Variants in PLG observed in about 807,000 individuals in gnomAD.
PLG encodes plasmin.
In PLG, 41 loss-of-function variants were observed where a neutral mutation model predicts 104.4. The observed-to-expected ratio is 0.39, with a 90% confidence interval of 0.31 to 0.51. PLG has a LOEUF of 0.51. Ranked by LOEUF, PLG falls within the 20% of genes least tolerant of loss-of-function variation. The probability of loss-of-function intolerance (pLI) is 0.76; values close to 1 mark genes in which losing one functional copy is unlikely to be tolerated. For synonymous variants in PLG, 337 were observed against 357.1 expected (o/e 0.94, Z 0.63); for missense variants, 891 against 1,003.6 (o/e 0.89, Z 1.52).
chr6:160,707,744 C>T lies in PLG; in HGVS notation c.230C>T (p.Ala77Val). The change falls in exon 3 of 19, where the codon GCT becomes GTT. Residue 77 changes from alanine (A) to valine (V), a missense_variant. Transcript: ENST00000308192. ...HSKEQQCVIM[A>V]ENRKSSIIIR... The stretch of plus-strand genomic sequence containing the variant: ...AAAGAGCAACAATGTGTGATAATGG[C>T]TGAAAACAGGAAGTCCTCCATAATC... 1 of 1,611,488 alleles carries T rather than the reference C, an allele frequency of 6.2e-7. No individual in the cohort carries two copies. The highest frequency in any genetic ancestry group is 8.5e-7 in the Non-Finnish European group (1 of 1,179,416).
rs1778248375 is a variant in PLG, at chr6:160,744,575, G to A, written c.2125+3158G>A. Among the ~76,000 whole-genome samples, 1 of 152,068 alleles carries A rather than the reference G, an allele frequency of 6.6e-6. No individual in the cohort carries two copies. The highest frequency in any genetic ancestry group is 2.4e-5 in the African/African-American group (1 of 41,436). On this transcript the variant is annotated intron_variant, in intron 17 of 18. Coordinates refer to ENST00000308192, the MANE Select transcript of PLG (RefSeq NM_000301.5). This position sits in a 1 kb window ranked among gnomAD's most constrained non-coding sequence, Gnocchi z 4.5. The stretch of plus-strand genomic sequence containing the variant: ...CTTTTCTTCATTAGCCTAGCTAGCA[G>A]CCTACCTATCTTATTACTGTTTTCA...
Position 160,725,680 on chromosome 6 carries a change from G to C in PLG, c.1256+3113G>C, listed in dbSNP as rs994772854. ...CAGAAAAGGCAGAGATTATTAAGCT[G>C]AATAAAAATCAAAGCCCAATTATGT... On this transcript the variant is annotated intron_variant, in intron 10 of 18. Transcript: ENST00000308192. The surrounding 1 kb of genome is among the most constrained non-coding windows in gnomAD (Gnocchi z 6.3). 6.6e-6 allele frequency among the ~76,000 whole-genome samples: 1 copy of C among 152,048 alleles called. No homozygotes were observed. The highest frequency in any genetic ancestry group is 2.4e-5 in the African/African-American group (1 of 41,408).
intron 2 of PLG, 44 bp downstream of exon 2, chr6:160,706,586 G>A: frequency 3.8e-6 from 6 of 1,575,724 alleles, no homozygotes; most frequent in South Asian, 1.1e-5. Flanking sequence ...CTGTAATTCA[G>A]ATGGCAAGTA....
At chr6:160,713,700 A>G (rs35513104) in intron 5 of PLG, among the ~76,000 whole-genome samples, 50,495 of 152,076 alleles carry the variant, frequency 0.33, 9,411 homozygotes, top group Middle Eastern at 0.51. Flanking sequence ...TTGCAATTAA[A>G]TAGTTAAAAT....
rs780956197 is a variant in PLG at position 160,752,969 on chromosome 6, G to A, written c.2341G>A (p.Gly781Ser). Residue 781 changes from glycine to serine, a missense_variant, in exon 19 of 19, where the codon GGT becomes AGT. Gly to Ser is a moderately conservative substitution (Grantham distance 56, BLOSUM62 0). Transcript: ENST00000308192. This position sits in a 1 kb window ranked among gnomAD's most constrained non-coding sequence, Gnocchi z 4.7. ...KYILQGVTSW[G>S]LGCARPNKPG... Reference sequence around the variant, plus strand: ...CATTTTACAAGGAGTCACTTCTTGGGGTCTTGGCTGTGCACGCCCCAATAA... The same window carrying A: ...CATTTTACAAGGAGTCACTTCTTGGAGTCTTGGCTGTGCACGCCCCAATAA... 1 of 1,612,776 alleles carries A rather than the reference G, an allele frequency of 6.2e-7. No homozygotes were observed. Among genetic ancestry groups the A allele is most frequent in the Non-Finnish European group, 8.5e-7 (1 of 1,179,232 alleles).
chr6:160,706,443 A>C lies in PLG; in HGVS notation c.86A>C (p.Gln29Pro), dbSNP rs1051644668. The C allele has an allele frequency of 3.7e-6, 6 of 1,613,420 alleles. No homozygotes were observed. The highest frequency in any genetic ancestry group is 4.2e-6 in the Non-Finnish European group (5 of 1,179,594). Residue 29 changes from glutamine (Q) to proline (P), a missense_variant, in exon 2 of 19, where the codon CAG (glutamine) becomes CCG (proline). Coordinates refer to ENST00000308192, the MANE Select transcript of PLG (RefSeq NM_000301.5). ...GEPLDDYVNT[Q>P]GASLFSVTKK... Reference sequence around the variant, plus strand: ...CCTCTGGATGACTATGTGAATACCCAGGGGGCTTCACTGTTCAGTGTCACT... The same window carrying C: ...CCTCTGGATGACTATGTGAATACCCCGGGGGCTTCACTGTTCAGTGTCACT...
Position 160,735,016 on chromosome 6 carries a change from C to T in PLG, c.1681+928C>T, listed in dbSNP as rs904563914. ...AGATCATGGGAGCCACACTGCCCAG[C>T]TTCGCATTTGGGCTTCTCCTAGGGA... On this transcript the variant is annotated intron_variant, in intron 13 of 18. Coordinates refer to ENST00000308192, the MANE Select transcript of PLG (RefSeq NM_000301.5). The surrounding 1 kb of genome is among the most constrained non-coding windows in gnomAD (Gnocchi z 5.4). Among the ~76,000 whole-genome samples the T allele has an allele frequency of 3.3e-5, 5 of 152,124 alleles. No individual in the cohort carries two copies. Among genetic ancestry groups the T allele is most frequent in the Non-Finnish European group, 5.9e-5 (4 of 68,012 alleles).
In PLG at chr6:160,752,079, G is replaced by A. The variant is rs1328768487; in HGVS notation, c.2126-36G>A. 3.7e-6 allele frequency: 6 copies of A among 1,603,036 alleles called. No homozygotes were observed. Among genetic ancestry groups the A allele is most frequent in the Non-Finnish European group, 4.3e-6 (5 of 1,170,862 alleles). On this transcript the variant is annotated intron_variant, in intron 17 of 18. Coordinates refer to ENST00000308192, the MANE Select transcript of PLG (RefSeq NM_000301.5). The surrounding 1 kb of genome is among the most constrained non-coding windows in gnomAD (Gnocchi z 4.7). ...GAATATCCTCCTGAATGTGTTTTGG[G>A]TGCAGTTGCCATTTCTTTCATCTTT...
In PLG at chr6:160,737,966, C is replaced by CA. The variant is rs143133225; in HGVS notation, c.1803-572_1803-571insA. Among the ~76,000 whole-genome samples the CA allele has an allele frequency of 0.24, 35,084 of 144,886 alleles. 4,434 individuals are homozygous for CA. The highest frequency in any genetic ancestry group is 0.29 in the Non-Finnish European group (19,678 of 67,868). ...TGCACTTCCTATCTCTATTCCTCTTCTTTAAATTTGGTTCCAAATGGCTCA... is the reference window on the plus strand; with the variant it reads ...TGCACTTCCTATCTCTATTCCTCTTCATTTAAATTTGGTTCCAAATGGCTCA... On this transcript the variant is annotated intron_variant, in intron 14 of 18. Transcript: ENST00000308192. This position sits in a 1 kb window ranked among gnomAD's most constrained non-coding sequence, Gnocchi z 4.7.
In PLG at chr6:160,712,968, C is replaced by T; in HGVS notation, c.408-18C>T. ...TTTTTAGAATATAGTCTAAGTGCTT[C>T]TTTTCCATCCTCCCCAGATTCTCAC... On this transcript the variant is annotated intron_variant, in intron 4 of 18. Coordinates refer to ENST00000308192, the MANE Select transcript of PLG (RefSeq NM_000301.5). The T allele has an allele frequency of 6.2e-7, 1 of 1,604,646 alleles. No individual in the cohort carries two copies. Among genetic ancestry groups the T allele is most frequent in the Non-Finnish European group, 8.5e-7 (1 of 1,173,258 alleles).
Position 160,738,378 on chromosome 6 carries a change from T to C in PLG, c.1803-160T>C, listed in dbSNP as rs1191783335. ...CTCAAAAATCCCACTCCTGGAGCAC[T>C]GGCCAAAATTACTACCATCCTGATG... On this transcript the variant is annotated intron_variant, in intron 14 of 18. Transcript: ENST00000308192. The surrounding 1 kb of genome is among the most constrained non-coding windows in gnomAD (Gnocchi z 6.8). 3 of 664,272 alleles carry C rather than the reference T, an allele frequency of 4.5e-6. No homozygotes were observed. Among genetic ancestry groups the C allele is most frequent in the Non-Finnish European group, 8.3e-6 (3 of 360,656 alleles). The allele number at this position is 664,272 out of a possible 1,614,324, so 41.1% of individuals were successfully genotyped here.
In PLG at chr6:160,707,666, A is replaced by ACC. The variant is rs761401429; in HGVS notation, c.186-34_186-33insCC. 19 of 1,532,260 alleles carry ACC rather than the reference A, an allele frequency of 1.2e-5. No homozygotes were observed. The African/African-American group carries it at 2.5e-4, about 20-fold the overall frequency. The allele number at this position is 1,532,260 out of a possible 1,614,324, so 94.9% of individuals were successfully genotyped here. On this transcript the variant is annotated intron_variant, in intron 2 of 18. Coordinates refer to ENST00000308192, the MANE Select transcript of PLG (RefSeq NM_000301.5). ...ACATTTGTTTTCTTTAAATAAAGAA[A>ACC]AATACTTATTGGATTTCCTGCTTCG... is the stretch of plus-strand genomic sequence containing the variant.
intron 17 of PLG, among the ~76,000 whole-genome samples, chr6:160,742,682 T>G (rs1205115742): frequency 1.3e-5 from 2 of 152,220 alleles, no homozygotes; most frequent in Non-Finnish European, 2.9e-5. Flanking sequence ...TTTTTGCCTT[T>G]GTTGAGATTG....
chr6:160,752,060 C>T lies in PLG; in HGVS notation c.2126-55C>T. On this transcript the variant is annotated intron_variant, in intron 17 of 18. Transcript: ENST00000308192. The surrounding 1 kb of genome is among the most constrained non-coding windows in gnomAD (Gnocchi z 4.7). Reference sequence around the variant, plus strand: ...GTGCCGCTGCTCTGTTCTGGAATATCCTCCTGAATGTGTTTTGGGTGCAGT... The same window carrying T: ...GTGCCGCTGCTCTGTTCTGGAATATTCTCCTGAATGTGTTTTGGGTGCAGT... 2 of 1,523,300 alleles carry T rather than the reference C, an allele frequency of 1.3e-6. No individual in the cohort carries two copies. Among genetic ancestry groups the T allele is most frequent in the Non-Finnish European group, 1.8e-6 (2 of 1,099,590 alleles). The allele number at this position is 1,523,300 out of a possible 1,614,324, so 94.4% of individuals were successfully genotyped here.
intron 1 of PLG, among the ~76,000 whole-genome samples, chr6:160,703,435 C>T (rs979291228): frequency 6.6e-6 from 1 of 152,138 alleles, no homozygotes; most frequent in African/African-American, 2.4e-5. Flanking sequence ...TAGCTGTTAC[C>T]CCCAATCTGC....
chr6:160,703,631 T>C (rs1217274742), intron 1 of PLG, among the ~76,000 whole-genome samples: 2 of 152,324 alleles, frequency 1.3e-5, no homozygotes, highest in South Asian at 2.1e-4. Context: ...CATTTGAATT[T>C]AGTGGAAGCC....
Position 160,753,477 on chromosome 6 carries a change from A to C in PLG, c.*416A>C, listed in dbSNP as rs941098890. On this transcript the variant is annotated 3_prime_UTR_variant, in exon 19 of 19. Transcript: ENST00000308192. This position sits in a 1 kb window ranked among gnomAD's most constrained non-coding sequence, Gnocchi z 5.4. ...CACGCATTTACCTCATCAGCTAACG[A>C]GGGCTTGACATGCATTTTTACTGTC... 6.6e-6 allele frequency among the ~76,000 whole-genome samples: 1 copy of C among 152,192 alleles called. No individual in the cohort carries two copies. Among genetic ancestry groups the C allele is most frequent in the African/African-American group, 2.4e-5 (1 of 41,448 alleles).
chr6:160,730,665 C>A, intron 10 of PLG: 1 of 244,026 alleles, frequency 4.1e-6, no homozygotes, highest in South Asian at 5.4e-5. Flanking sequence ...GAGAGCTAGA[C>A]AGTTAGAGAT....
intron 12 of PLG, among the ~76,000 whole-genome samples, chr6:160,733,684 A>AC (rs1778038323): frequency 2.6e-5 from 4 of 151,416 alleles, no homozygotes; most frequent in African/African-American, 9.7e-5. Context: ...TACTGAAAAT[A>AC]GAAAAAAAAA....
Sources: allele counts gnomAD v4.1 joint callset (sites outside exome capture counted in the v4.1 genomes callset), GRCh38; gene constraint gnomAD v4.1.1; non-coding constraint Gnocchi (gnomAD v3.1); transcripts MANE v1.5; gene names NCBI Gene and HGNC (gene_info 2026-07-23, HGNC 2026-07-21).